Variants in TMPRSS15 observed in about 807,000 individuals in gnomAD.
TMPRSS15 encodes the protein enteropeptidase.
In TMPRSS15, 128 loss-of-function variants were observed where a neutral mutation model predicts 125.3. The observed-to-expected ratio is 1.02, with a 90% CI of 0.89 to 1.18. The LOEUF (loss-of-function observed/expected upper bound fraction) is 1.18. Ranked by LOEUF, TMPRSS15 falls within the 50% of genes most tolerant of loss-of-function variation. The pLI is 0.00. For synonymous variants in TMPRSS15, 446 were observed against 423.2 expected, an observed-to-expected ratio of 1.05 and a Z score of -0.66; for missense variants, 1,283 against 1,212.7, an observed-to-expected ratio of 1.06 and a Z score of -0.86.
At chr21:18,431,452 G>A (rs114169797) in intron 1 of TMPRSS15, among the ~76,000 whole-genome samples, 1,610 of 151,946 alleles carry the variant, frequency 0.011, 30 homozygotes, top group African/African-American at 0.037. Flanking sequence ...TTGAAACTTC[G>A]GAATTTCTCC....
chr21:18,437,169 C>T (rs1035702165), intron 1 of TMPRSS15, among the ~76,000 whole-genome samples: 2 of 149,870 alleles, frequency 1.3e-5, no homozygotes, highest in East Asian at 2.0e-4. Context: ...GAGATAACGC[C>T]GCATATCTAC....
intron 10 of TMPRSS15, among the ~76,000 whole-genome samples, chr21:18,345,216 A>C (rs9305862): frequency 0.95 from 144,549 of 152,214 alleles, 69,067 homozygotes; most frequent in Middle Eastern, 1. Flanking sequence ...ATGTGTTTAA[A>C]ATTTTATATT....
At chr21:18,470,581 A>T (rs1978758384) in intron 1 of TMPRSS15, among the ~76,000 whole-genome samples, 1 of 152,098 alleles carries the variant, frequency 6.6e-6, no homozygotes, top group African/African-American at 2.4e-5. Context: ...TTATTTTTCA[A>T]AATTATGTTG....
chr21:18,438,450 CAT>C (rs2076234287), intron 1 of TMPRSS15, among the ~76,000 whole-genome samples: 1 of 151,988 alleles, frequency 6.6e-6, no homozygotes, highest in African/African-American at 2.4e-5. Context: ...ACGTTGTGCA[CAT>C]GTCCCCTAAA....
At chr21:18,340,505 G>A (rs1157156359) in intron 13 of TMPRSS15, among the ~76,000 whole-genome samples, 2 of 152,106 alleles carry the variant, frequency 1.3e-5, no homozygotes, top group East Asian at 1.9e-4. Context: ...TTGTGATCAT[G>A]TGAGTCAATA....
chr21:18,343,217 G>C (rs978841902), intron 12 of TMPRSS15, among the ~76,000 whole-genome samples: 10 of 152,178 alleles, frequency 6.6e-5, no homozygotes, highest in Non-Finnish European at 1.2e-4. Context: ...GCCTATGCTA[G>C]AAAGTTGCTG....
chr21:18,303,992 T>C (rs1289102391), intron 18 of TMPRSS15, among the ~76,000 whole-genome samples: 1 of 152,216 alleles, frequency 6.6e-6, no homozygotes, highest in Non-Finnish European at 1.5e-5. Context: ...GAATAATGTT[T>C]TTCCAAGTAA....
intron 3 of TMPRSS15, among the ~76,000 whole-genome samples, chr21:18,387,807 T>C (rs966720264): frequency 9.9e-5 from 15 of 152,124 alleles, no homozygotes; most frequent in Non-Finnish European, 2.1e-4. Flanking sequence ...TTAAAATCTA[T>C]AACAAAAATG....
intron 12 of TMPRSS15, among the ~76,000 whole-genome samples, chr21:18,341,808 T>C (rs2824752): frequency 0.22 from 33,757 of 152,130 alleles, 3,895 homozygotes; most frequent in South Asian, 0.25. Flanking sequence ...GTCAATATTG[T>C]TACAGTTTCT....
intron 8 of TMPRSS15, among the ~76,000 whole-genome samples, chr21:18,354,489 GC>G (rs2075604738): frequency 6.6e-6 from 1 of 151,358 alleles, no homozygotes. Flanking sequence ...TCCATATGAT[GC>G]TTTACAAAAT....
At chr21:18,403,835 T>C (rs1217773546), upstream of TMPRSS15, among the ~76,000 whole-genome samples, 1 of 152,196 alleles carries the variant, frequency 6.6e-6, no homozygotes, top group Non-Finnish European at 1.5e-5. Context: ...AGTTAATCTT[T>C]AAGAAGATAT....
intron 1 of TMPRSS15, among the ~76,000 whole-genome samples, chr21:18,411,934 C>T (rs1048874306): frequency 3.9e-5 from 6 of 152,140 alleles, no homozygotes; most frequent in African/African-American, 9.7e-5. Flanking sequence ...GAAACACGAA[C>T]CAGGCTGGGA....
chr21:18,379,341 A>ATAGG, intron 4 of TMPRSS15, 23 bp from the exon 5 acceptor site: 2 of 1,170,078 alleles, frequency 1.7e-6, no homozygotes, highest in Non-Finnish European at 2.3e-6. Flanking sequence ...TTATATTAAA[A>ATAGG]TAATTATTAC....
At chr21:18,332,275 A>G (rs564681021) in intron 13 of TMPRSS15, 102 bp from the exon 14 acceptor site, 2 of 1,081,818 alleles carry the variant, frequency 1.8e-6, no homozygotes, top group African/African-American at 3.1e-5. Flanking sequence ...TTAGAATACA[A>G]ATTTTGGCAA....
chr21:18,336,935 A>G (rs964015342), intron 13 of TMPRSS15, among the ~76,000 whole-genome samples: 11 of 152,264 alleles, frequency 7.2e-5, no homozygotes, highest in African/African-American at 1.9e-4. Context: ...ATGGCCATCA[A>G]TTTCAAGAGA....
chr21:18,475,294 G>A (rs1013369940), intron 1 of TMPRSS15, among the ~76,000 whole-genome samples: 8 of 152,096 alleles, frequency 5.3e-5, no homozygotes, highest in African/African-American at 1.4e-4. Flanking sequence ...AATGTCAGAT[G>A]TAATGAAACA....
chr21:18,459,938 T>C (rs1033274108), intron 1 of TMPRSS15, among the ~76,000 whole-genome samples: 1 of 152,196 alleles, frequency 6.6e-6, no homozygotes, highest in African/African-American at 2.4e-5. Context: ...TGTTTGATGC[T>C]ATAATACATG....
At chr21:18,350,182 G>A (rs189209498) in intron 10 of TMPRSS15, among the ~76,000 whole-genome samples, 409 of 152,194 alleles carry the variant, frequency 2.7e-3, no homozygotes, top group Non-Finnish European at 4.8e-3. Flanking sequence ...TTAGTTTTCA[G>A]CTGTGTAATT....
At chr21:18,439,774 CAAAG>C (rs2076236799) in intron 1 of TMPRSS15, among the ~76,000 whole-genome samples, 1 of 152,074 alleles carries the variant, frequency 6.6e-6, no homozygotes, top group Non-Finnish European at 1.5e-5. Flanking sequence ...AATTACAGCA[CAAAG>C]AGAGACTAGA....
Sources: gnomAD v4.1 joint callset for allele counts (sites outside exome capture counted in the v4.1 genomes callset) on GRCh38, gnomAD v4.1.1 for gene constraint, MANE v1.5 for transcripts, NCBI Gene and HGNC (gene_info 2026-07-23, HGNC 2026-07-21) for gene names.